Variants in SH3KBP1 observed in about 807,000 individuals in gnomAD.
The protein encoded by SH3KBP1 is SH3 domain containing kinase binding protein 1, also known as SH3 domain-containing kinase-binding protein 1.
In SH3KBP1, 8 loss-of-function variants were observed where a neutral mutation model predicts 50.1. That is an observed-to-expected ratio of 0.16 (90% confidence interval 0.09 to 0.29). SH3KBP1 has a LOEUF of 0.29. Ranked by LOEUF, SH3KBP1 falls within the 10% of genes least tolerant of loss-of-function variation. The pLI is 1.00. For synonymous variants in SH3KBP1, 227 were observed against 218.6 expected (o/e 1.04, Z -0.34); for missense variants, 377 against 535.2 (o/e 0.70, Z 2.92).
At chrX:19,703,626 C>G (rs376131028) in intron 4 of SH3KBP1, among the ~76,000 whole-genome samples, 1 of 109,639 alleles carries the variant, frequency 9.1e-6, no homozygotes, top group Admixed American at 9.8e-5. Context: ...CTTGATTCAA[C>G]TCTTTCAAAA....
At chrX:19,554,305 T>C (rs1602450236) in intron 13 of SH3KBP1, among the ~76,000 whole-genome samples, 1 of 89,554 alleles carries the variant, frequency 1.1e-5, no homozygotes, top group South Asian at 4.6e-4. Context: ...ATATATCATA[T>C]TAAAATATAC....
chrX:19,564,754 C>T (rs2065787892), intron 13 of SH3KBP1, among the ~76,000 whole-genome samples: 1 of 112,195 alleles, frequency 8.9e-6, no homozygotes, highest in Non-Finnish European at 1.9e-5. Context: ...GAAGCCTGTC[C>T]TCTTCCTGTT....
chrX:19,877,169 A>G (rs1019121181), intron 1 of SH3KBP1, among the ~76,000 whole-genome samples: 5 of 112,328 alleles, frequency 4.5e-5, no homozygotes, highest in Non-Finnish European at 9.4e-5. Context: ...AGGGGTAATT[A>G]GAAATCACTG....
chrX:19,580,639 T>C (rs2066342045), intron 12 of SH3KBP1, among the ~76,000 whole-genome samples: 2 of 111,584 alleles, frequency 1.8e-5, no homozygotes, highest in Admixed American at 1.9e-4. Flanking sequence ...AAACCTGGGG[T>C]GCCAGCAATC....
At chrX:19,598,180 T>C in intron 9 of SH3KBP1, among the ~76,000 whole-genome samples, 1 of 112,200 alleles carries the variant, frequency 8.9e-6, no homozygotes, top group Non-Finnish European at 1.9e-5. Flanking sequence ...GCTGGTTTGA[T>C]CTTCTATTCA....
rs201020808 is a variant in SH3KBP1 at position 19,645,483 on chromosome X, G to C, written c.727-8C>G. The C allele has an allele frequency of 1.6e-5, 18 of 1,143,359 alleles. No homozygotes were observed. In the Admixed American group the frequency reaches 1.8e-4, roughly 11 times the overall value. The allele number at this position is 1,143,359 out of a possible 1,213,427, so 94.2% of individuals were successfully genotyped here. On this transcript the variant is annotated splice_region_variant and splice_polypyrimidine_tract_variant and intron_variant, in intron 6 of 17. Transcript: ENST00000397821. ...TAACTTCTTCCCAATAGTCTGAGGG[G>C]AAAAACAGATGATTTTACTTATCAA... is the stretch of plus-strand genomic sequence containing the variant.
chrX:19,799,278 G>A (rs1414712846), intron 2 of SH3KBP1, among the ~76,000 whole-genome samples: 4 of 111,234 alleles, frequency 3.6e-5, no homozygotes, highest in East Asian at 2.8e-4. Flanking sequence ...TCTGTGTGCC[G>A]TGTCCCCTGG....
At chrX:19,604,474 G>A (rs2093986681) in intron 9 of SH3KBP1, among the ~76,000 whole-genome samples, 1 of 111,712 alleles carries the variant, frequency 9.0e-6, no homozygotes, top group Admixed American at 9.5e-5. Context: ...GGAGTCAAGA[G>A]GCCTGCTGTT....
rs771924054 is a variant in SH3KBP1 at position 19,689,369 on chromosome X, G to C, written c.521-5341C>G. On this transcript the variant is annotated intron_variant, in intron 5 of 17. Coordinates refer to ENST00000397821, the MANE Select transcript of SH3KBP1 (RefSeq NM_031892.3). Reference sequence around the variant, plus strand: ...AAGTTAACAACAGCAGTCCTCTCAAGTGTCAGAAAAAAAGGAAGTGTAAGA... The same window carrying C: ...AAGTTAACAACAGCAGTCCTCTCAACTGTCAGAAAAAAAGGAAGTGTAAGA... Among the ~76,000 whole-genome samples, 6 of 111,823 alleles carry C rather than the reference G, an allele frequency of 5.4e-5. No individual in the cohort carries two copies. In the East Asian group the frequency reaches 1.7e-3, roughly 31 times the overall value.
chrX:19,587,171 G>A (rs758445917), intron 12 of SH3KBP1, among the ~76,000 whole-genome samples: 1 of 103,984 alleles, frequency 9.6e-6, no homozygotes, highest in East Asian at 3.0e-4. Flanking sequence ...GCGGTGAGCC[G>A]AGATTGCGCC....
At position 19,658,266 on chromosome X, in the gene SH3KBP1, T is replaced by C. The variant is rs2062345905; in HGVS notation, c.727-12791A>G. ...ACAAACCCATCTTTTTCCAGAAGCT[T>C]TCCATCTCAGGGATGCCTGCTGTGT... On this transcript the variant is annotated intron_variant, in intron 6 of 17. Transcript: ENST00000397821. 2.7e-5 allele frequency among the ~76,000 whole-genome samples: 3 copies of C among 111,538 alleles called. No individual in the cohort carries two copies. In the Admixed American group the frequency reaches 2.9e-4, roughly 11 times the overall value.
chrX:19,812,099 T>C (rs1694236964), intron 2 of SH3KBP1, among the ~76,000 whole-genome samples: 1 of 111,692 alleles, frequency 9.0e-6, no homozygotes, highest in South Asian at 3.7e-4. Context: ...AAGCCCACTT[T>C]GTTTTTCACC....
At chrX:19,577,665 G>A (rs1275700060) in intron 12 of SH3KBP1, among the ~76,000 whole-genome samples, 3 of 110,259 alleles carry the variant, frequency 2.7e-5, no homozygotes, top group African/African-American at 9.9e-5. Context: ...GTACAGACAA[G>A]GTGTTGAAGT....
intron 1 of SH3KBP1, among the ~76,000 whole-genome samples, chrX:19,853,714 G>A (rs762398570): frequency 1.8e-5 from 2 of 111,243 alleles, no homozygotes; most frequent in South Asian, 3.8e-4. Flanking sequence ...TGTAATCCCA[G>A]CACTTTGGGA....
chrX:19,810,246 A>G (rs1603257711), intron 2 of SH3KBP1, among the ~76,000 whole-genome samples: 1 of 112,504 alleles, frequency 8.9e-6, no homozygotes, highest in East Asian at 2.8e-4. Context: ...TCATTAGCAA[A>G]GCGAGTGACT....
chrX:19,634,095 T>TGTGA (rs1216845746), intron 7 of SH3KBP1, among the ~76,000 whole-genome samples: 6 of 56,082 alleles, frequency 1.1e-4, no homozygotes, highest in Non-Finnish European at 2.1e-4. Flanking sequence ...TGTGTGTGTG[T>TGTGA]GACAGAGGGA....
Position 19,567,547 on chromosome X carries a change from A to T in SH3KBP1, c.1384+1556T>A, listed in dbSNP as rs867261737. Among the ~76,000 whole-genome samples, 123 of 73,409 alleles carry T rather than the reference A, an allele frequency of 1.7e-3. 1 individual carries two copies. Among genetic ancestry groups the T allele is most frequent in the African/African-American group, 8.0e-3 (114 of 14,276 alleles). 63.7% of individuals were successfully genotyped at this position (73,409 alleles called of 115,157 possible). The stretch of plus-strand genomic sequence containing the variant: ...AAAAAAAAAAAAAAAAAAAAAAAAA[A>T]AAAAAAAAAAATATATATATATATA... On this transcript the variant is annotated intron_variant, in intron 13 of 17. Transcript: ENST00000397821.
chrX:19,562,290 C>T (rs191209504), intron 13 of SH3KBP1, among the ~76,000 whole-genome samples: 1,297 of 111,240 alleles, frequency 0.012, 20 homozygotes, highest in African/African-American at 0.04. Flanking sequence ...GCAAGTAAAA[C>T]GGAAGCCATA....
At chrX:19,561,966 T>TCCTTCGCTTG (rs1201918787) in intron 13 of SH3KBP1, among the ~76,000 whole-genome samples, 3 of 109,964 alleles carry the variant, frequency 2.7e-5, no homozygotes, top group Non-Finnish European at 5.7e-5. Context: ...CCTGCTGACC[T>TCCTTCGCTTG]CCAACTCCAA....
Sources: gnomAD v4.1 joint callset for allele counts (sites outside exome capture counted in the v4.1 genomes callset) on GRCh38, gnomAD v4.1.1 for gene constraint, MANE v1.5 for transcripts, NCBI Gene and HGNC (gene_info 2026-07-23, HGNC 2026-07-21) for gene names.